Variants in ZNF862 observed in about 807,000 individuals in gnomAD.
ZNF862 encodes the protein zinc finger protein 862.
Under a neutral mutation model 91.1 loss-of-function variants are expected in ZNF862, and 64 were observed. The ratio of observed to expected loss-of-function variants is 0.70; its 90% CI spans 0.57 to 0.87. ZNF862 has a LOEUF of 0.87. Among genes scored for constraint, ZNF862 ranks in the 40% least tolerant of loss-of-function variants. The pLI is 0.00. For synonymous variants in ZNF862, 631 were observed against 618.1 expected (o/e 1.02, Z -0.31); for missense variants, 1,459 against 1,528.0 (o/e 0.95, Z 0.75).
chr7:149,865,341 TCTC>T lies in ZNF862; in HGVS notation c.*1058_*1060del, dbSNP rs1213510505. 6.6e-6 allele frequency: 1 copy of T among 152,134 alleles called. No homozygotes were observed. The highest frequency in any genetic ancestry group is 2.4e-5 in the African/African-American group (1 of 41,416). The allele number at this position is 152,134 out of a possible 1,614,324, so 9.4% of individuals were successfully genotyped here. A position where few individuals can be genotyped will look rare whatever the true frequency, so the allele number is the denominator to read the frequency against. On this transcript the variant is annotated 3_prime_UTR_variant, in exon 8 of 8. Transcript: ENST00000223210. Reference sequence around the variant, plus strand: ...TCTGCACGACAGGCTAGTCCACTCTTCTCTGAGCTGCCCTGGGGACTCTGCACC... The same window carrying T: ...TCTGCACGACAGGCTAGTCCACTCTTTGAGCTGCCCTGGGGACTCTGCACC...
At position 149,847,820 on chromosome 7, in the gene ZNF862, A is replaced by G. The variant is rs1283058337; in HGVS notation, c.327A>G (p.Lys109=). The G allele has an allele frequency of 1.2e-6, 2 of 1,613,858 alleles. No homozygotes were observed. Among genetic ancestry groups the G allele is most frequent in the East Asian group, 2.2e-5 (1 of 44,868 alleles). ...ESGQSLPPQK[K]AYLSHLSTGS... ...GACAGTCCCTCCCGCCTCAGAAGAA[A>G]GCCTACCTTTCCCACCTCAGTACAG... Residue 109 remains lysine, a synonymous_variant, in exon 4 of 8, where the codon AAA becomes AAG. Coordinates refer to ENST00000223210, the MANE Select transcript of ZNF862 (RefSeq NM_001099220.3).
Position 149,844,612 on chromosome 7 carries a change from ATTTT to A in ZNF862, c.25-12_25-9del. On this transcript the variant is annotated splice_polypyrimidine_tract_variant and intron_variant, in intron 1 of 7. Coordinates refer to ENST00000223210, the MANE Select transcript of ZNF862 (RefSeq NM_001099220.3). ...AAGAGAGTGGTACTTAGCAGCTGTC[ATTTT>A]CCTTTCAGGCTCCTGTGACGTTTGA... The A allele has an allele frequency of 6.4e-7, 1 of 1,570,590 alleles. No individual in the cohort carries two copies. The highest frequency in any genetic ancestry group is 2.3e-5 in the East Asian group (1 of 43,404).
In ZNF862 at chr7:149,850,341, A is replaced by G. The variant is rs753868781; in HGVS notation, c.1117+3A>G. ...CTACGAGCTGTTGGCATCCTTGGGT[A>G]AAGACGCACCGAGCCTCTTATTCAC... On this transcript the variant is annotated splice_donor_region_variant and intron_variant, in intron 5 of 7. Transcript: ENST00000223210. The surrounding 1 kb of genome is among the most constrained non-coding windows in gnomAD (Gnocchi z 4.2). 2 of 1,607,622 alleles carry G rather than the reference A, an allele frequency of 1.2e-6. No homozygotes were observed. The highest frequency in any genetic ancestry group is 1.7e-6 in the Non-Finnish European group (2 of 1,176,028).
At chr7:149,852,185 TTTAA>T (rs776623144) in intron 5 of ZNF862, 1 of 152,122 alleles carries the variant, frequency 6.6e-6, no homozygotes, top group South Asian at 2.1e-4. Flanking sequence ...GTGGAGATTC[TTTAA>T]TTGTTATTAT....
Position 149,860,632 on chromosome 7 carries a change from T to C in ZNF862, c.1472T>C (p.Ile491Thr). Residue 491 changes from isoleucine (I) to threonine (T), a missense_variant, in exon 7 of 8, where the codon ATA (isoleucine) becomes ACA (threonine). Transcript: ENST00000223210. Reference sequence around the variant, plus strand: ...ACCAAACTCTTCTGCTCAGCCTGCATAGAAAGACCTAATCTCCATGATAAA... The same window carrying C: ...ACCAAACTCTTCTGCTCAGCCTGCACAGAAAGACCTAATCTCCATGATAAA... ...KETKLFCSAC[I>T]ERPNLHDKSS... The C allele has an allele frequency of 6.2e-7, 1 of 1,613,988 alleles. No individual in the cohort carries two copies. The highest frequency in any genetic ancestry group is 1.1e-5 in the South Asian group (1 of 91,086).
chr7:149,857,590 T>C (rs922126969), intron 5 of ZNF862, among the ~76,000 whole-genome samples: 2 of 152,220 alleles, frequency 1.3e-5, no homozygotes, highest in Non-Finnish European at 2.9e-5. Context: ...CTTAAATAAT[T>C]ATCTCTCGGT....
In ZNF862 at chr7:149,846,235, G is replaced by A. The variant is rs1801867709; in HGVS notation, c.221G>A (p.Ser74Asn). 1 of 1,613,494 alleles carries A rather than the reference G, an allele frequency of 6.2e-7. No individual in the cohort carries two copies. The highest frequency in any genetic ancestry group is 1.1e-5 in the South Asian group (1 of 90,976). The change falls in exon 3 of 8, where the codon AGC becomes AAC. Residue 74 changes from serine to asparagine, a missense_variant. Ser to Asn is a conservative substitution (Grantham distance 46). Transcript: ENST00000223210. ...CTTGGCAGCGTCCAGGGCCAGAGGA[G>A]CCTTCTGGAGCATCACCCAGGTGAG... ...PWLGSVQGQRSLLEHHPGKKQ... is the reference protein window; with the variant it reads ...PWLGSVQGQRNLLEHHPGKKQ...
chr7:149,857,011 T>G (rs998608669), intron 5 of ZNF862, among the ~76,000 whole-genome samples: 3 of 152,242 alleles, frequency 2.0e-5, no homozygotes, highest in African/African-American at 7.2e-5. Context: ...TGCCTTCTTA[T>G]TCCAGAATCT....
Position 149,848,295 on chromosome 7 carries a change from C to A in ZNF862, c.802C>A (p.Pro268Thr). The change falls in exon 4 of 8, where the codon CCT (proline) becomes ACT (threonine). Residue 268 changes from proline to threonine, a missense_variant. Physicochemically the swap from Pro to Thr is conservative, Grantham distance 38. Transcript: ENST00000223210. ...LPSSRAELED[P>T]GGDGAIPAMY... ...AAGTTCAAGAGCTGAACTAGAGGAC[C>A]CTGGGGGGGATGGAGCAATTCCTGC... 1 of 1,609,572 alleles carries A rather than the reference C, an allele frequency of 6.2e-7. No homozygotes were observed. Among genetic ancestry groups the A allele is most frequent in the Non-Finnish European group, 8.5e-7 (1 of 1,177,800 alleles).
chr7:149,838,661 C>T, intron 1 of ZNF862, 26 bp downstream of exon 1: 1 of 1,212,746 alleles, frequency 8.2e-7, no homozygotes, highest in South Asian at 4.2e-5. Context: ...CCGGGGGCCG[C>T]CCGCTCCCTC....
At chr7:149,852,391 C>T (rs1379699455) in intron 5 of ZNF862, among the ~76,000 whole-genome samples, 1 of 140,112 alleles carries the variant, frequency 7.1e-6, no homozygotes, top group Non-Finnish European at 1.6e-5. Context: ...GAGAGAGAGA[C>T]AGGCTGTCAC....
intron 1 of ZNF862, chr7:149,841,842 C>T (rs1801717311): frequency 1.3e-6 from 1 of 764,996 alleles, no homozygotes; most frequent in Non-Finnish European, 1.6e-6. Context: ...AGTTGTCTGC[C>T]ACCTCCTGAT....
intron 2 of ZNF862, 179 bp downstream of exon 2, chr7:149,844,915 C>G (rs1009495704): frequency 2.1e-5 from 12 of 564,112 alleles, no homozygotes; most frequent in Non-Finnish European, 3.8e-5. Flanking sequence ...CACACATCAC[C>G]CTTTCTCTTC....
chr7:149,860,108 C>A, intron 6 of ZNF862: 1 of 473,174 alleles, frequency 2.1e-6, no homozygotes, highest in Non-Finnish European at 3.7e-6. Context: ...TATCTGGTGT[C>A]ACATGATCCC....
chr7:149,845,733 C>T (rs1369142850), intron 2 of ZNF862, among the ~76,000 whole-genome samples: 1 of 152,188 alleles, frequency 6.6e-6, no homozygotes, highest in Non-Finnish European at 1.5e-5. Flanking sequence ...GATGGTGTGG[C>T]AGGGCTGAGC....
At chr7:149,852,025 C>G (rs1345956072) in intron 5 of ZNF862, 1 of 152,088 alleles carries the variant, frequency 6.6e-6, no homozygotes, top group Non-Finnish European at 1.5e-5. Context: ...CTTGAACTAT[C>G]CCCGAATTTA....
chr7:149,844,451 G>A (rs1801804286), intron 1 of ZNF862, among the ~76,000 whole-genome samples, 174 bp from the exon 2 acceptor site: 1 of 152,158 alleles, frequency 6.6e-6, no homozygotes, highest in Non-Finnish European at 1.5e-5. Context: ...CAGAAGAAAC[G>A]AGTCTCGTTG....
At position 149,861,443 on chromosome 7, in the gene ZNF862, CAAG is replaced by C; in HGVS notation, c.2285_2287del (p.Lys762del). On this transcript the variant is annotated inframe_deletion, in exon 7 of 8. Transcript: ENST00000223210. The surrounding 1 kb of genome is among the most constrained non-coding windows in gnomAD (Gnocchi z 6.7). ...TCTTCAAGTTTTATCAGTCCTCAAACAAGAGGCTGAACGAGCTGCAGGAAGGTG... is the reference window on the plus strand; with the variant it reads ...TCTTCAAGTTTTATCAGTCCTCAAACAGGCTGAACGAGCTGCAGGAAGGTG... 1 of 1,613,494 alleles carries C rather than the reference CAAG, an allele frequency of 6.2e-7. No individual in the cohort carries two copies.
rs984515673 is a variant in ZNF862, at chr7:149,865,613, C to T, written c.*1329C>T. On this transcript the variant is annotated 3_prime_UTR_variant, in exon 8 of 8. Coordinates refer to ENST00000223210, the MANE Select transcript of ZNF862 (RefSeq NM_001099220.3). ...CCGTCTTGGCAGGCTCAGGAGGCCG[C>T]TTATCAGGAGGAGGATGATTTTGTC... is the stretch of plus-strand genomic sequence containing the variant. The T allele has an allele frequency of 2.0e-5, 3 of 152,238 alleles. No homozygotes were observed. Among genetic ancestry groups the T allele is most frequent in the African/African-American group, 7.2e-5 (3 of 41,452 alleles). The allele number at this position is 152,238 out of a possible 1,614,324, so 9.4% of individuals were successfully genotyped here.
Sources: allele counts gnomAD v4.1 joint callset (sites outside exome capture counted in the v4.1 genomes callset), GRCh38; gene constraint gnomAD v4.1.1; non-coding constraint Gnocchi (gnomAD v3.1); transcripts MANE v1.5; gene names NCBI Gene and HGNC (gene_info 2026-07-23, HGNC 2026-07-21).